ACACA: variants seen among roughly 807,000 people sequenced by gnomAD.
ACACA encodes the protein acetyl-CoA carboxylase 1.
A neutral mutation model predicts 296.1 loss-of-function variants in ACACA; 103 were observed. The ratio of observed to expected loss-of-function variants is 0.35; its 90% CI spans 0.30 to 0.41. The LOEUF is 0.41. Ranked by LOEUF, ACACA falls within the 10% of genes least tolerant of loss-of-function variation. The probability of loss-of-function intolerance (pLI) is 1.00; values close to 1 mark genes in which losing one functional copy is unlikely to be tolerated. For missense variants in ACACA, 1,554 were observed against 2,989.7 expected (o/e 0.52, Z 11.20); for synonymous variants, 953 against 1,038.6 (o/e 0.92, Z 1.58).
At chr17:37,090,394 C>A (rs1184627112) in intron 54 of ACACA, among the ~76,000 whole-genome samples, 1 of 152,176 alleles carries the variant, frequency 6.6e-6, no homozygotes, top group Non-Finnish European at 1.5e-5. Flanking sequence ...AAGATGAAGG[C>A]TTCCGGGGAC....
At chr17:37,294,811 C>T (rs957850029) in intron 3 of ACACA, among the ~76,000 whole-genome samples, 3 of 152,192 alleles carry the variant, frequency 2.0e-5, no homozygotes, top group African/African-American at 7.2e-5. Flanking sequence ...GGGCCGTCCC[C>T]CTTTGGGGTC....
intron 38 of ACACA, 23 bp downstream of exon 38, chr17:37,191,095 GGA>G: frequency 6.2e-7 from 1 of 1,613,154 alleles, no homozygotes; most frequent in Non-Finnish European, 8.5e-7. Flanking sequence ...GCTAGTGCTG[GGA>G]GAGAAGCTAA....
intron 1 of ACACA, among the ~76,000 whole-genome samples, chr17:37,355,719 G>C (rs373200621): frequency 2.6e-5 from 4 of 151,566 alleles, no homozygotes; most frequent in South Asian, 4.2e-4. Flanking sequence ...TTAGCCAGGC[G>C]TGGTGGCACA....
At chr17:37,112,010 C>A (rs763840063) in intron 51 of ACACA, among the ~76,000 whole-genome samples, 1 of 151,780 alleles carries the variant, frequency 6.6e-6, no homozygotes, top group African/African-American at 2.4e-5. Context: ...ACCTCCATCA[C>A]GTAGGATGTA....
At chr17:37,343,208 T>C (rs1037326230) in intron 1 of ACACA, among the ~76,000 whole-genome samples, 6 of 151,952 alleles carry the variant, frequency 3.9e-5, no homozygotes, top group African/African-American at 1.2e-4. Context: ...AAACTCCTGA[T>C]ATCAGGTGAT....
intron 42 of ACACA, among the ~76,000 whole-genome samples, chr17:37,156,149 C>T (rs1360907482): frequency 1.3e-5 from 2 of 148,788 alleles, no homozygotes; most frequent in African/African-American, 2.5e-5. Flanking sequence ...CTGCAAGTTC[C>T]GCCTCCTGGG....
intron 1 of ACACA, among the ~76,000 whole-genome samples, chr17:37,353,201 C>A (rs1470849393): frequency 3.9e-5 from 6 of 152,118 alleles, no homozygotes. Flanking sequence ...CAGGACCCAG[C>A]AATTCATTTT....
chr17:37,257,528 C>A (rs1366335197), intron 14 of ACACA, among the ~76,000 whole-genome samples, 175 bp downstream of exon 14: 1 of 152,172 alleles, frequency 6.6e-6, no homozygotes, highest in Non-Finnish European at 1.5e-5. Context: ...CCAAGCACTG[C>A]ATAATTTAAT....
chr17:37,210,565 T>C (rs2078700467), intron 29 of ACACA, 75 bp from the exon 30 acceptor site: 3 of 1,424,748 alleles, frequency 2.1e-6, no homozygotes, highest in African/African-American at 2.8e-5. Flanking sequence ...AGAGCAGATA[T>C]AGACCAGTCA....
intron 2 of ACACA, among the ~76,000 whole-genome samples, chr17:37,335,029 G>A (rs1676055066): frequency 6.6e-6 from 1 of 152,096 alleles, no homozygotes. Flanking sequence ...TGGGGGTGGA[G>A]TTCAAGATCA....
At chr17:37,223,379 G>A (rs1670151056) in intron 28 of ACACA, 133 bp downstream of exon 28, 1 of 759,290 alleles carries the variant, frequency 1.3e-6, no homozygotes, top group Non-Finnish European at 2.4e-6. Flanking sequence ...CTGTTTCAGA[G>A]GAAAAGAGAC....
intron 29 of ACACA, among the ~76,000 whole-genome samples, chr17:37,221,217 T>C (rs1333605562): frequency 5.3e-5 from 8 of 152,244 alleles, no homozygotes; most frequent in Non-Finnish European, 1.5e-5. Flanking sequence ...TTAAGAAGTT[T>C]GGTTCTGCAA....
In ACACA at chr17:37,121,426, T is replaced by C. The variant is rs924110533; in HGVS notation, c.6203A>G (p.Lys2068Arg). Residue 2068 changes from lysine to arginine, a missense_variant, in exon 50 of 56, where the codon AAG becomes AGG. Lys to Arg is a conservative substitution (Grantham distance 26). Transcript: ENST00000616317. ...DSAFKTYQAI[K>R]DFNREGLPLM... ...AGGCAGCCCTTCCCGGTTGAAGTCCTTGATGGCCTGATACGTCTTAAACGC... is the reference window on the plus strand; with the variant it reads ...AGGCAGCCCTTCCCGGTTGAAGTCCCTGATGGCCTGATACGTCTTAAACGC... 6.8e-6 allele frequency: 11 copies of C among 1,614,172 alleles called. No individual in the cohort carries two copies. Among genetic ancestry groups the C allele is most frequent in the Non-Finnish European group, 9.3e-6 (11 of 1,180,030 alleles).
chr17:37,196,256 A>G (rs1007731646), intron 35 of ACACA, among the ~76,000 whole-genome samples: 11 of 152,134 alleles, frequency 7.2e-5, no homozygotes, highest in African/African-American at 2.6e-4. Context: ...GAAAACTAAT[A>G]GTTGGTCCAC....
chr17:37,390,560 G>A (rs966205048), intron 1 of ACACA, among the ~76,000 whole-genome samples: 1 of 149,276 alleles, frequency 6.7e-6, no homozygotes, highest in Non-Finnish European at 1.5e-5. Context: ...CCAGGAGACA[G>A]AGGTTGTGGT....
At chr17:37,247,374 C>CTTTTTTTTTTTTTTTTTTTTTTTTTTT (rs59972801) in intron 18 of ACACA, among the ~76,000 whole-genome samples, 1 of 145,634 alleles carries the variant, frequency 6.9e-6, no homozygotes, top group African/African-American at 2.6e-5. Flanking sequence ...TTGTGAATTT[C>CTTTTTTTTTTTTTTTTTTTTTTTTTTT]TTTTTTTTTT....
rs1035675681 is a variant in ACACA at position 37,241,955 on chromosome 17, C to T, written c.3030G>A (p.Gln1010=). ...AATCTGGAGTTACAAGTTACTACCT[C>T]TGTACCAGCTGAACAATGCTCTGAG... ...MNTQSIVQLV[Q]RYRSGIRGHM... Residue 1010 remains glutamine (Q), a splice_region_variant and synonymous_variant, in exon 23 of 56, where the codon CAG becomes CAA. Coordinates refer to ENST00000616317, the MANE Select transcript of ACACA (RefSeq NM_198834.3). 6 of 1,612,674 alleles carry T rather than the reference C, an allele frequency of 3.7e-6. No homozygotes were observed. The highest frequency in any genetic ancestry group is 1.1e-5 in the South Asian group (1 of 91,054).
At chr17:37,227,511 A>C (rs1436933217) in intron 25 of ACACA, among the ~76,000 whole-genome samples, 1 of 152,166 alleles carries the variant, frequency 6.6e-6, no homozygotes, top group East Asian at 1.9e-4. Context: ...CAGGAGTTCA[A>C]GACCAGCCTA....
At chr17:37,231,256 T>C (rs556243166) in intron 25 of ACACA, among the ~76,000 whole-genome samples, 2 of 150,600 alleles carry the variant, frequency 1.3e-5, no homozygotes, top group African/African-American at 4.9e-5. Context: ...AGTTACACAG[T>C]TGACTGACAG....
Sources: allele counts gnomAD v4.1 joint callset (sites outside exome capture counted in the v4.1 genomes callset), GRCh38; gene constraint gnomAD v4.1.1; transcripts MANE v1.5; gene names NCBI Gene and HGNC (gene_info 2026-07-23, HGNC 2026-07-21).